CADM2: variants seen among roughly 807,000 people sequenced by gnomAD.
CADM2 encodes immunoglobulin superfamily member 4D.
CADM2 carries 12 observed loss-of-function variants against 49.8 expected under a neutral mutation model. The observed-to-expected ratio is 0.24, with a 90% confidence interval of 0.15 to 0.39. CADM2 has a LOEUF of 0.39. Ranked by LOEUF, CADM2 falls within the 10% of genes least tolerant of loss-of-function variation. The probability of loss-of-function intolerance (pLI) is 1.00; values close to 1 mark genes in which losing one functional copy is unlikely to be tolerated. For synonymous variants in CADM2, 214 were observed against 175.4 expected, an observed-to-expected ratio of 1.22 and a Z score of -1.74; for missense variants, 378 against 492.3, an observed-to-expected ratio of 0.77 and a Z score of 2.20.
At chr3:85,961,728 C>T in intron 8 of CADM2, 81 bp downstream of exon 8, 1 of 970,038 alleles carries the variant, frequency 1.0e-6, no homozygotes, top group Non-Finnish European at 1.4e-6. Flanking sequence ...ATTTTAAGTG[C>T]AGTGAACAAA....
intron 2 of CADM2, among the ~76,000 whole-genome samples, chr3:85,769,855 GAA>G (rs11445724): frequency 6.6e-6 from 1 of 151,052 alleles, no homozygotes; most frequent in Admixed American, 6.6e-5. Context: ...ATATCAATGA[GAA>G]AAAAAGGGAA....
At chr3:85,010,854 T>A (rs2033955953) in intron 1 of CADM2, among the ~76,000 whole-genome samples, 1 of 101,258 alleles carries the variant, frequency 9.9e-6, no homozygotes, top group Non-Finnish European at 2.0e-5. Context: ...TTTATGTCTT[T>A]TTTTTTTTTT....
At chr3:85,942,900 G>C (rs1486697460) in intron 7 of CADM2, among the ~76,000 whole-genome samples, 2 of 152,026 alleles carry the variant, frequency 1.3e-5, no homozygotes, top group Non-Finnish European at 2.9e-5. Flanking sequence ...GATCCCTGAG[G>C]AATCGCCACA....
chr3:85,388,602 C>T (rs752290452), intron 1 of CADM2, among the ~76,000 whole-genome samples: 2 of 151,850 alleles, frequency 1.3e-5, no homozygotes, highest in Non-Finnish European at 2.9e-5. Flanking sequence ...TTTCACAAAA[C>T]CAAGGGAAGC....
chr3:85,623,520 A>G (rs1446872607), intron 1 of CADM2, among the ~76,000 whole-genome samples: 3 of 152,140 alleles, frequency 2.0e-5, no homozygotes, highest in Non-Finnish European at 4.4e-5. Flanking sequence ...ATGGAGGCAA[A>G]CAACGTAAGT....
intron 8 of CADM2, among the ~76,000 whole-genome samples, chr3:86,059,058 C>A (rs764834467): frequency 6.8e-6 from 1 of 146,990 alleles, no homozygotes; most frequent in African/African-American, 2.5e-5. Flanking sequence ...TGTACCCCTG[C>A]ACTTCAGCCT....
intron 1 of CADM2, among the ~76,000 whole-genome samples, chr3:85,354,963 C>T (rs1263390868): frequency 1.3e-5 from 2 of 152,056 alleles, no homozygotes; most frequent in Non-Finnish European, 2.9e-5. Context: ...CACGGAAACC[C>T]ATGTCCAAAA....
At chr3:85,401,088 C>T (rs1258020734) in intron 1 of CADM2, among the ~76,000 whole-genome samples, 1 of 152,138 alleles carries the variant, frequency 6.6e-6, no homozygotes, top group Non-Finnish European at 1.5e-5. Flanking sequence ...TAAACAACAA[C>T]AATAACAAAC....
chr3:85,559,696 ATATC>A (rs1310505440), intron 1 of CADM2, among the ~76,000 whole-genome samples: 1 of 143,986 alleles, frequency 6.9e-6, no homozygotes, highest in Non-Finnish European at 1.5e-5. Flanking sequence ...ACATATATAT[ATATC>A]ACTTTTTAAA....
At chr3:85,349,232 C>A (rs1277048589) in intron 1 of CADM2, among the ~76,000 whole-genome samples, 1 of 152,140 alleles carries the variant, frequency 6.6e-6, no homozygotes, top group Non-Finnish European at 1.5e-5. Flanking sequence ...TAAGGTTTAA[C>A]GTTCAGAGGT....
At chr3:85,463,600 A>G (rs1217115284) in intron 1 of CADM2, among the ~76,000 whole-genome samples, 2 of 152,176 alleles carry the variant, frequency 1.3e-5, no homozygotes, top group Non-Finnish European at 2.9e-5. Flanking sequence ...TATATTAATA[A>G]ATGTGTACAT....
At chr3:85,744,226 G>T (rs7624230) in intron 2 of CADM2, among the ~76,000 whole-genome samples, 3 of 152,044 alleles carry the variant, frequency 2.0e-5, no homozygotes, top group Admixed American at 6.6e-5. Context: ...GGGGGATTTA[G>T]GGGATGGGAC....
intron 1 of CADM2, among the ~76,000 whole-genome samples, chr3:85,411,687 GT>G (rs2035663958): frequency 6.6e-6 from 1 of 152,142 alleles, no homozygotes; most frequent in Non-Finnish European, 1.5e-5. Context: ...AGTTTCCATG[GT>G]TTAAAAACAC....
chr3:85,460,709 CGTGT>C (rs1344290817), intron 1 of CADM2, among the ~76,000 whole-genome samples: 1 of 149,684 alleles, frequency 6.7e-6, no homozygotes, highest in Non-Finnish European at 1.5e-5. Context: ...GAATTATTTT[CGTGT>C]GTGGGTGGGT....
chr3:85,523,665 CATTCATTATA>C, intron 1 of CADM2, among the ~76,000 whole-genome samples: 1 of 152,070 alleles, frequency 6.6e-6, no homozygotes, highest in East Asian at 1.9e-4. Flanking sequence ...TAGTGAGTCT[CATTCATTATA>C]TAGGAAACTG....
At chr3:85,760,844 TA>T (rs1387554408) in intron 2 of CADM2, among the ~76,000 whole-genome samples, 2 of 152,214 alleles carry the variant, frequency 1.3e-5, no homozygotes, top group African/African-American at 4.8e-5. Context: ...CAAATTTCTT[TA>T]AAATATTGTT....
At chr3:85,023,894 C>T (rs1402286367) in intron 1 of CADM2, among the ~76,000 whole-genome samples, 1 of 151,910 alleles carries the variant, frequency 6.6e-6, no homozygotes, top group African/African-American at 2.4e-5. Context: ...CAGAACAGAT[C>T]ATTTATTATT....
intron 1 of CADM2, among the ~76,000 whole-genome samples, chr3:85,487,454 C>A (rs1427901971): frequency 6.6e-6 from 1 of 151,658 alleles, no homozygotes; most frequent in Non-Finnish European, 1.5e-5. Flanking sequence ...TCACTTGAGC[C>A]CAAACTGCAT....
At chr3:85,151,542 T>C (rs1373807451) in intron 1 of CADM2, among the ~76,000 whole-genome samples, 1 of 152,216 alleles carries the variant, frequency 6.6e-6, no homozygotes, top group African/African-American at 2.4e-5. Flanking sequence ...CTGATCTCAA[T>C]ATATTGCCTT....
Sources: allele counts gnomAD v4.1 joint callset (sites outside exome capture counted in the v4.1 genomes callset), GRCh38; gene constraint gnomAD v4.1.1; transcripts MANE v1.5; gene names NCBI Gene and HGNC (gene_info 2026-07-23, HGNC 2026-07-21).